The following DDX31 variants were observed in gnomAD, a reference collection of about 807,000 sequenced individuals.
DDX31 encodes the protein DEAD-box helicase 31.
Under a neutral mutation model 91.3 loss-of-function variants are expected in DDX31, and 70 were observed. The ratio of observed to expected loss-of-function variants is 0.77; its 90% CI spans 0.63 to 0.94. DDX31 has a LOEUF of 0.94. DDX31 is among the 40% of genes least tolerant of loss of function. The probability of loss-of-function intolerance (pLI) is 0.00; values close to 1 mark genes in which losing one functional copy is unlikely to be tolerated. For missense variants in DDX31, 902 were observed against 925.0 expected (o/e 0.98, Z 0.32); for synonymous variants, 362 against 350.6 (o/e 1.03, Z -0.36).
intron 1 of DDX31, chr9:132,663,236 G>A (rs1412568020): frequency 6.2e-6 from 8 of 1,289,044 alleles, no homozygotes; most frequent in Middle Eastern, 2.1e-4. Context: ...CTACCCTAGC[G>A]CCTGGATCTC....
At chr9:132,661,748 A>G (rs558087156) in intron 3 of DDX31, among the ~76,000 whole-genome samples, 11 of 152,254 alleles carry the variant, frequency 7.2e-5, no homozygotes, top group Non-Finnish European at 1.3e-4. Context: ...GAGTCTGGAG[A>G]ACTCACTTTT....
intron 16 of DDX31, among the ~76,000 whole-genome samples, chr9:132,628,611 C>CATTA (rs1439235531): frequency 6.6e-6 from 1 of 152,194 alleles, no homozygotes; most frequent in East Asian, 1.9e-4. Context: ...CAGAGAGAGG[C>CATTA]ACCTCTGCTG....
chr9:132,603,641 G>A (rs1830845099), intron 19 of DDX31, among the ~76,000 whole-genome samples: 1 of 152,212 alleles, frequency 6.6e-6, no homozygotes, highest in Admixed American at 6.5e-5. Flanking sequence ...CTCTCCTGTT[G>A]CACACGGCCG....
intron 18 of DDX31, among the ~76,000 whole-genome samples, chr9:132,615,934 C>A (rs1192366736): frequency 1.3e-5 from 2 of 152,218 alleles, no homozygotes; most frequent in African/African-American, 2.4e-5. Context: ...CAAAAGCCAG[C>A]TGCTTTGTTA....
chr9:132,606,506 G>A (rs1831033733), intron 19 of DDX31, among the ~76,000 whole-genome samples: 2 of 152,234 alleles, frequency 1.3e-5, no homozygotes, highest in South Asian at 2.1e-4. Flanking sequence ...CAATGATGGA[G>A]GCTGGGGGAA....
intron 19 of DDX31, among the ~76,000 whole-genome samples, chr9:132,601,317 AGG>A (rs754858388): frequency 4.3e-4 from 65 of 152,232 alleles, no homozygotes; most frequent in Non-Finnish European, 8.1e-4. Context: ...GTTAGAAGGT[AGG>A]GTGGCATAAC....
At chr9:132,650,015 C>T (rs1346199050) in intron 9 of DDX31, among the ~76,000 whole-genome samples, 1 of 152,158 alleles carries the variant, frequency 6.6e-6, no homozygotes, top group Non-Finnish European at 1.5e-5. Flanking sequence ...CTGTTACTAG[C>T]AACATCAGAA....
At chr9:132,659,183 A>G (rs1834776163) in intron 5 of DDX31, among the ~76,000 whole-genome samples, 1 of 152,178 alleles carries the variant, frequency 6.6e-6, no homozygotes, top group Non-Finnish European at 1.5e-5. Context: ...AAACCAACAG[A>G]TGGCAAAAAC....
At chr9:132,653,093 TAGC>T (rs1414444920) in intron 6 of DDX31, among the ~76,000 whole-genome samples, 4 of 151,578 alleles carry the variant, frequency 2.6e-5, no homozygotes, top group East Asian at 1.9e-4. Context: ...AAATTATTGT[TAGC>T]AGATGTTATT....
chr9:132,636,215 C>T (rs1421413915), intron 14 of DDX31, among the ~76,000 whole-genome samples: 2 of 152,204 alleles, frequency 1.3e-5, no homozygotes, highest in Non-Finnish European at 2.9e-5. Context: ...CTCCCACAGG[C>T]TCTGGAAGCT....
At chr9:132,669,070 T>C (rs1470234027) in intron 1 of DDX31, among the ~76,000 whole-genome samples, 2 of 152,122 alleles carry the variant, frequency 1.3e-5, no homozygotes, top group Admixed American at 6.6e-5. Flanking sequence ...AGATAAAAGA[T>C]TGTGGAGACC....
intron 17 of DDX31, among the ~76,000 whole-genome samples, chr9:132,624,726 T>A (rs1832288088): frequency 6.6e-6 from 1 of 152,162 alleles, no homozygotes. Flanking sequence ...AGTCCTAGGT[T>A]GGGAACACAC....
In DDX31 at chr9:132,632,277, CACACACACACACACACACACAG is replaced by C. The variant is rs1223267215; in HGVS notation, c.1441-208_1441-187del. ...ACACACACACACACACACACACACA[CACACACACACACACACACACAG>C]TCCTGCATACAACTTCAGGGGGCTC... On this transcript the variant is annotated intron_variant, in intron 14 of 19. Transcript: ENST00000372159. Among the ~76,000 whole-genome samples the C allele has an allele frequency of 2.1e-4, 31 of 146,998 alleles. 1 individual carries two copies. The highest frequency in any genetic ancestry group is 9.3e-4 in the Admixed American group (14 of 14,974).
At chr9:132,600,876 C>T (rs997942040) in intron 19 of DDX31, among the ~76,000 whole-genome samples, 1 of 152,184 alleles carries the variant, frequency 6.6e-6, no homozygotes, top group Non-Finnish European at 1.5e-5. Context: ...AGCTTCGTTT[C>T]CCGGTACATC....
chr9:132,632,241 TACACACACACACACAC>T (rs57020423), intron 14 of DDX31, 150 bp from the exon 15 acceptor site: 22 of 94,102 alleles, frequency 2.3e-4, no homozygotes, highest in East Asian at 5.2e-4. Flanking sequence ...CCAGTACGTG[TACACACACACACACAC>T]ACACACACAC....
intron 13 of DDX31, among the ~76,000 whole-genome samples, chr9:132,644,628 A>G (rs1446639841): frequency 6.6e-6 from 1 of 152,236 alleles, no homozygotes; most frequent in Non-Finnish European, 1.5e-5. Context: ...GATCTATTAC[A>G]GCGAATTCCT....
At chr9:132,610,635 CT>C (rs200564919) in intron 19 of DDX31, among the ~76,000 whole-genome samples, 21 of 147,902 alleles carry the variant, frequency 1.4e-4, no homozygotes, top group Admixed American at 3.4e-4. Flanking sequence ...GTCACCTCAT[CT>C]TTTTTTTTTT....
intron 17 of DDX31, among the ~76,000 whole-genome samples, chr9:132,619,394 C>A (rs1447387856): frequency 2.6e-5 from 4 of 152,060 alleles, no homozygotes; most frequent in African/African-American, 9.7e-5. Context: ...TGGTGTGAAC[C>A]CCCGGGGAAA....
chr9:132,633,555 G>A (rs1002431657), intron 14 of DDX31, among the ~76,000 whole-genome samples: 3 of 151,814 alleles, frequency 2.0e-5, no homozygotes, highest in African/African-American at 7.3e-5. Context: ...TTCTATATAC[G>A]GATATGGAGA....
Sources: gnomAD v4.1 joint callset for allele counts (sites outside exome capture counted in the v4.1 genomes callset) on GRCh38, gnomAD v4.1.1 for gene constraint, MANE v1.5 for transcripts, NCBI Gene and HGNC (gene_info 2026-07-23, HGNC 2026-07-21) for gene names.